The following CNTFR variants were observed in gnomAD, a reference collection of about 807,000 sequenced individuals.
The protein encoded by CNTFR is ciliary neurotrophic factor receptor.
Under a neutral mutation model 40.4 loss-of-function variants are expected in CNTFR, and 12 were observed. The ratio of observed to expected loss-of-function variants is 0.30; its 90% CI spans 0.19 to 0.48. The LOEUF is 0.48. Among genes scored for constraint, CNTFR ranks in the 20% least tolerant of loss-of-function variants. The pLI is 0.99. For missense variants in CNTFR, 414 were observed against 506.8 expected, an observed-to-expected ratio of 0.82 and a Z score of 1.76; for synonymous variants, 202 against 209.6, an observed-to-expected ratio of 0.96 and a Z score of 0.31.
At chr9:34,583,959 C>G (rs535887465) in intron 1 of CNTFR, among the ~76,000 whole-genome samples, 1 of 152,256 alleles carries the variant, frequency 6.6e-6, no homozygotes, top group East Asian at 1.9e-4. Context: ...AGGGGCTACG[C>G]AAAGACCTGG....
rs771090198 is a variant in CNTFR at position 34,552,631 on chromosome 9, C to T, written c.949+43G>A. On this transcript the variant is annotated intron_variant, in intron 8 of 9. Transcript: ENST00000378980. This position sits in a 1 kb window ranked among gnomAD's most constrained non-coding sequence, Gnocchi z 5.1. ...AGGCCACAGGTTCTACCACAGGCCT[C>T]CAGGACAGCAAAGCCAGGAGGTAGG... 3 of 1,595,350 alleles carry T rather than the reference C, an allele frequency of 1.9e-6. No homozygotes were observed. Among genetic ancestry groups the T allele is most frequent in the Non-Finnish European group, 2.6e-6 (3 of 1,173,146 alleles).
intron 7 of CNTFR, 44 bp downstream of exon 7, chr9:34,556,211 T>C (rs774907335): frequency 1.3e-6 from 2 of 1,587,084 alleles, no homozygotes; most frequent in Non-Finnish European, 1.7e-6. Flanking sequence ...CTGCACATGA[T>C]TCTAACTCAG....
At chr9:34,562,477 A>G (rs1326157425) in intron 4 of CNTFR, among the ~76,000 whole-genome samples, 2 of 152,044 alleles carry the variant, frequency 1.3e-5, no homozygotes, top group East Asian at 3.9e-4. Context: ...ACCAAAATAC[A>G]TTTTCACACC....
rs1245962135 is a variant in CNTFR, at chr9:34,557,487, C to T, written c.604+39G>A. 1 of 1,603,658 alleles carries T rather than the reference C, an allele frequency of 6.2e-7. No individual in the cohort carries two copies. The highest frequency in any genetic ancestry group is 8.5e-7 in the Non-Finnish European group (1 of 1,172,424). ...TGGCACACATCCACTTACATTCCCA[C>T]TGGAGTAGGCAGCAGGTCCCCCCAA... On this transcript the variant is annotated intron_variant, in intron 6 of 9. Transcript: ENST00000378980. This position sits in a 1 kb window ranked among gnomAD's most constrained non-coding sequence, Gnocchi z 4.2.
intron 1 of CNTFR, among the ~76,000 whole-genome samples, chr9:34,586,903 A>G (rs1827570305): frequency 6.6e-6 from 1 of 152,062 alleles, no homozygotes; most frequent in Non-Finnish European, 1.5e-5. Context: ...GTGCCCCGAT[A>G]CTCACCACAA....
intron 2 of CNTFR, among the ~76,000 whole-genome samples, chr9:34,578,924 C>T (rs537470901): frequency 2.0e-5 from 3 of 152,308 alleles, no homozygotes; most frequent in South Asian, 4.1e-4. Flanking sequence ...ACCCCAGATC[C>T]GCCTTTAGGA....
At chr9:34,571,243 C>T (rs755750953) in intron 2 of CNTFR, 18 of 152,332 alleles carry the variant, frequency 1.2e-4, no homozygotes, top group African/African-American at 4.8e-5. Context: ...GAAAACGAGA[C>T]CAGCAGCCAG....
Position 34,552,543 on chromosome 9 carries a change from G to T in CNTFR, c.949+131C>A. The T allele has an allele frequency of 9.1e-7, 1 of 1,095,832 alleles. No homozygotes were observed. The highest frequency in any genetic ancestry group is 1.3e-6 in the Non-Finnish European group (1 of 781,364). 67.9% of individuals were successfully genotyped at this position (1,095,832 alleles called of 1,614,324 possible). ...GCAAGGACCAGGAATGGCAGGAGTT[G>T]GACAGACAGGCAGAAGTGTGGCTAC... is the stretch of plus-strand genomic sequence containing the variant. On this transcript the variant is annotated intron_variant, in intron 8 of 9. Coordinates refer to ENST00000378980, the MANE Select transcript of CNTFR (RefSeq NM_147164.3). This position sits in a 1 kb window ranked among gnomAD's most constrained non-coding sequence, Gnocchi z 5.1.
At chr9:34,574,507 AC>A (rs981008124) in intron 2 of CNTFR, among the ~76,000 whole-genome samples, 1 of 152,062 alleles carries the variant, frequency 6.6e-6, no homozygotes. Context: ...AGGGGAAATG[AC>A]CCTACCCAAG....
chr9:34,564,894 G>T (rs1167756399), intron 3 of CNTFR, 62 bp from the exon 4 acceptor site: 2 of 1,450,430 alleles, frequency 1.4e-6, no homozygotes, highest in Non-Finnish European at 1.9e-6. Flanking sequence ...GCACCCGCAG[G>T]CGAGCGTGCT....
At position 34,552,538 on chromosome 9, in the gene CNTFR, G is replaced by A; in HGVS notation, c.949+136C>T. 1 of 1,061,812 alleles carries A rather than the reference G, an allele frequency of 9.4e-7. No homozygotes were observed. The highest frequency in any genetic ancestry group is 1.3e-6 in the Non-Finnish European group (1 of 751,214). The allele number at this position is 1,061,812 out of a possible 1,614,324, so 65.8% of individuals were successfully genotyped here. ...AGATAGCAAGGACCAGGAATGGCAGGAGTTGGACAGACAGGCAGAAGTGTG... is the reference window on the plus strand; with the variant it reads ...AGATAGCAAGGACCAGGAATGGCAGAAGTTGGACAGACAGGCAGAAGTGTG... On this transcript the variant is annotated intron_variant, in intron 8 of 9. Transcript: ENST00000378980. This position sits in a 1 kb window ranked among gnomAD's most constrained non-coding sequence, Gnocchi z 5.1.
intron 4 of CNTFR, among the ~76,000 whole-genome samples, chr9:34,562,546 C>A (rs1351387980): frequency 6.6e-6 from 1 of 152,262 alleles, no homozygotes; most frequent in East Asian, 1.9e-4. Context: ...AACCCTTCAG[C>A]CTAACATTTT....
Position 34,557,546 on chromosome 9 carries a change from G to A in CNTFR, c.584C>T (p.Thr195Ile). 6.2e-7 allele frequency: 1 copy of A among 1,614,182 alleles called. No individual in the cohort carries two copies. The highest frequency in any genetic ancestry group is 8.5e-7 in the Non-Finnish European group (1 of 1,180,014). ...CGTACCAATGGTGAACTCGTCAAAG[G>A]TGATAGCTGTGGCATTGTGGCCCAG... ...NALGHNATAITFDEFTIVKPD... is the reference protein window; with the variant it reads ...NALGHNATAIIFDEFTIVKPD... The change falls in exon 6 of 10, where the codon ACC becomes ATC. Residue 195 changes from threonine (T) to isoleucine (I), a missense_variant. By Grantham distance (89) the Thr-to-Ile change is moderately conservative (BLOSUM62 -1). This residue lies in a region of CNTFR where 250 missense variants were observed against 269.5 expected (regional missense o/e 0.93). Transcript: ENST00000378980. The surrounding 1 kb of genome is among the most constrained non-coding windows in gnomAD (Gnocchi z 4.2).
At chr9:34,578,730 C>G (rs968793927) in intron 2 of CNTFR, among the ~76,000 whole-genome samples, 6 of 152,250 alleles carry the variant, frequency 3.9e-5, no homozygotes, top group Admixed American at 3.9e-4. Context: ...GCAGGAACTT[C>G]AGCCAGCCTT....
At chr9:34,554,304 C>A (rs570806784) in intron 7 of CNTFR, among the ~76,000 whole-genome samples, 1 of 152,280 alleles carries the variant, frequency 6.6e-6, no homozygotes, top group East Asian at 1.9e-4. Flanking sequence ...CAGATCTCCA[C>A]GTCAGTCTCT....
intron 1 of CNTFR, among the ~76,000 whole-genome samples, chr9:34,583,390 C>G (rs943129910): frequency 1.3e-5 from 2 of 152,244 alleles, no homozygotes; most frequent in African/African-American, 4.8e-5. Context: ...CTTGCCCACT[C>G]TTTATCGCTA....
At chr9:34,569,108 C>G in intron 2 of CNTFR, 127 bp from the exon 3 acceptor site, 2 of 830,990 alleles carry the variant, frequency 2.4e-6, no homozygotes, top group Non-Finnish European at 3.8e-6. Flanking sequence ...AGGCCCTCAC[C>G]CGCTCTGCTT....
chr9:34,588,377 A>T (rs556064124), intron 1 of CNTFR, among the ~76,000 whole-genome samples: 1 of 152,326 alleles, frequency 6.6e-6, no homozygotes, highest in East Asian at 1.9e-4. Flanking sequence ...CTGGTGTTTC[A>T]GGCCCCTCGG....
At chr9:34,554,229 G>C (rs1124882) in intron 7 of CNTFR, among the ~76,000 whole-genome samples, 18,089 of 152,170 alleles carry the variant, frequency 0.12, 1,269 homozygotes, top group Middle Eastern at 0.18. Flanking sequence ...GCTCGGCAAA[G>C]ATACCCTCTG....
Sources: allele counts gnomAD v4.1 joint callset (sites outside exome capture counted in the v4.1 genomes callset), GRCh38; gene constraint gnomAD v4.1.1; regional missense constraint gnomAD v4.1.1; non-coding constraint Gnocchi (gnomAD v3.1); transcripts MANE v1.5; gene names NCBI Gene and HGNC (gene_info 2026-07-23, HGNC 2026-07-21).